The following SPAG16 variants were observed in gnomAD, a reference collection of about 807,000 sequenced individuals.
SPAG16 encodes the protein sperm-associated antigen 16 protein.
Under a neutral mutation model 80.4 loss-of-function variants are expected in SPAG16, and 86 were observed. That is an observed-to-expected ratio of 1.07 (90% confidence interval 0.90 to 1.28). SPAG16 has a LOEUF of 1.28. SPAG16 is among the 50% of genes most tolerant of loss of function. SPAG16 has a pLI of 0.00. For synonymous variants in SPAG16, 294 were observed against 265.9 expected (o/e 1.11, Z -1.03); for missense variants, 870 against 765.3 (o/e 1.14, Z -1.61).
chr2:213,801,053 A>T (rs549876953), intron 10 of SPAG16, among the ~76,000 whole-genome samples: 2 of 152,316 alleles, frequency 1.3e-5, no homozygotes, highest in South Asian at 2.1e-4. Context: ...TACAAATAAT[A>T]AAAATGTATT....
intron 10 of SPAG16, among the ~76,000 whole-genome samples, chr2:213,660,539 A>G (rs1016977391): frequency 6.6e-6 from 1 of 151,578 alleles, no homozygotes; most frequent in Non-Finnish European, 1.5e-5. Flanking sequence ...AGGATTTAAA[A>G]CCCCTTGTAG....
At chr2:213,372,098 A>C (rs2125184367) in intron 8 of SPAG16, among the ~76,000 whole-genome samples, 1 of 151,906 alleles carries the variant, frequency 6.6e-6, no homozygotes. Context: ...TACAGAAAGC[A>C]CTTTTTAGTA....
chr2:213,796,093 C>A (rs1033821281), intron 10 of SPAG16, among the ~76,000 whole-genome samples: 2 of 151,996 alleles, frequency 1.3e-5, no homozygotes, highest in East Asian at 1.9e-4. Context: ...TCAACTCCCC[C>A]CAAAATGGTT....
intron 15 of SPAG16, among the ~76,000 whole-genome samples, chr2:214,349,241 G>A (rs542923489): frequency 7.5e-4 from 114 of 152,234 alleles, no homozygotes; most frequent in Non-Finnish European, 1.2e-3. Context: ...AATAAAATGT[G>A]AAAAAAGAAG....
At chr2:214,309,114 C>T (rs1695117683) in intron 15 of SPAG16, among the ~76,000 whole-genome samples, 1 of 152,034 alleles carries the variant, frequency 6.6e-6, no homozygotes, top group South Asian at 2.1e-4. Flanking sequence ...CTAGTCTTCT[C>T]TACCTGTCTT....
rs2072798700 is a variant in SPAG16, at chr2:213,467,969, T to C, written c.943-21994T>C. On this transcript the variant is annotated intron_variant, in intron 9 of 15. Transcript: ENST00000331683. ...TGTACCTTTTTTCTTGTGTCTCCTC[T>C]CTCTCTCTTCAGTCTCCTCCTGATC... Among the ~76,000 whole-genome samples, 3 of 152,170 alleles carry C rather than the reference T, an allele frequency of 2.0e-5. No individual in the cohort carries two copies. In the South Asian group the frequency reaches 6.2e-4, roughly 31 times the overall value.
At chr2:213,604,828 A>G (rs1359312781) in intron 10 of SPAG16, among the ~76,000 whole-genome samples, 1 of 151,552 alleles carries the variant, frequency 6.6e-6, no homozygotes, top group African/African-American at 2.4e-5. Context: ...TATGTACACA[A>G]TATTCTGTTG....
chr2:214,065,914 A>C (rs1237547501), intron 13 of SPAG16, among the ~76,000 whole-genome samples: 2 of 152,126 alleles, frequency 1.3e-5, no homozygotes, highest in Non-Finnish European at 2.9e-5. Flanking sequence ...TCAACCACAA[A>C]ATATCGTATG....
chr2:213,719,635 C>T (rs2066424624), intron 10 of SPAG16, among the ~76,000 whole-genome samples: 1 of 152,136 alleles, frequency 6.6e-6, no homozygotes, highest in African/African-American at 2.4e-5. Context: ...ATTCTGGACA[C>T]AATACCATCT....
chr2:213,907,603 A>C (rs532801889), intron 11 of SPAG16, among the ~76,000 whole-genome samples: 1 of 152,304 alleles, frequency 6.6e-6, no homozygotes, highest in South Asian at 2.1e-4. Context: ...ATGCATCACT[A>C]TTCACAATAA....
At chr2:213,337,907 A>G (rs1284660479) in intron 5 of SPAG16, among the ~76,000 whole-genome samples, 1 of 152,070 alleles carries the variant, frequency 6.6e-6, no homozygotes, top group Non-Finnish European at 1.5e-5. Context: ...ATCAAGCAAA[A>G]GACACATAAT....
At chr2:214,003,109 G>A (rs1471415289) in intron 12 of SPAG16, among the ~76,000 whole-genome samples, 1 of 152,184 alleles carries the variant, frequency 6.6e-6, no homozygotes, top group Admixed American at 6.6e-5. Flanking sequence ...TGAATGTGAA[G>A]TTGGGAAGCA....
At position 214,247,143 on chromosome 2, in the gene SPAG16, T is replaced by G. The variant is rs186913917; in HGVS notation, c.1720+97877T>G. On this transcript the variant is annotated intron_variant, in intron 15 of 15. Coordinates refer to ENST00000331683, the MANE Select transcript of SPAG16 (RefSeq NM_024532.5). ...TATAGTCTACTCTTTGTGGCTTTAATCCTAGCCTTCTTGAATCTTCATTAG... is the reference window on the plus strand; with the variant it reads ...TATAGTCTACTCTTTGTGGCTTTAAGCCTAGCCTTCTTGAATCTTCATTAG... Among the ~76,000 whole-genome samples, 393 of 152,262 alleles carry G rather than the reference T, an allele frequency of 2.6e-3. 2 individuals carry two copies. The highest frequency in any genetic ancestry group is 8.7e-3 in the African/African-American group (361 of 41,572).
chr2:213,817,586 T>C (rs1283097624), intron 10 of SPAG16, among the ~76,000 whole-genome samples: 2 of 152,042 alleles, frequency 1.3e-5, no homozygotes, highest in East Asian at 3.8e-4. Context: ...TCAACCTAGG[T>C]GCCCATCAAC....
At chr2:213,872,442 A>G (rs539109407) in intron 11 of SPAG16, among the ~76,000 whole-genome samples, 1 of 152,254 alleles carries the variant, frequency 6.6e-6, no homozygotes, top group East Asian at 1.9e-4. Flanking sequence ...CCTCCTGTCA[A>G]TATACAACTT....
At chr2:214,063,426 T>C (rs909625499) in intron 13 of SPAG16, among the ~76,000 whole-genome samples, 5 of 152,330 alleles carry the variant, frequency 3.3e-5, no homozygotes, top group Admixed American at 2.0e-4. Flanking sequence ...GCTTCCAAGA[T>C]GGCGCCCTTT....
chr2:213,926,021 T>C (rs1285867913), intron 11 of SPAG16, among the ~76,000 whole-genome samples: 1 of 152,126 alleles, frequency 6.6e-6, no homozygotes, highest in Non-Finnish European at 1.5e-5. Context: ...TTTCCAAACA[T>C]GTGGTTCTAG....
intron 13 of SPAG16, among the ~76,000 whole-genome samples, chr2:214,053,177 T>C (rs2049752690): frequency 6.6e-6 from 1 of 152,328 alleles, no homozygotes; most frequent in South Asian, 2.1e-4. Context: ...TTGCATAAAA[T>C]ACGGATGACA....
chr2:213,331,117 C>A (rs566062811), intron 5 of SPAG16, among the ~76,000 whole-genome samples: 1 of 152,292 alleles, frequency 6.6e-6, no homozygotes, highest in South Asian at 2.1e-4. Flanking sequence ...TTTTCTTTTA[C>A]TTTTCCTTCA....
Sources: allele counts gnomAD v4.1 joint callset (sites outside exome capture counted in the v4.1 genomes callset), GRCh38; gene constraint gnomAD v4.1.1; transcripts MANE v1.5; gene names NCBI Gene and HGNC (gene_info 2026-07-23, HGNC 2026-07-21).